The following ZBTB40 variants were observed in gnomAD, a reference collection of about 807,000 sequenced individuals.
ZBTB40 encodes the protein zinc finger and BTB domain containing 40.
ZBTB40 carries 60 observed loss-of-function variants against 117.5 expected under a neutral mutation model. That is an observed-to-expected ratio of 0.51 (90% CI 0.41 to 0.63). The LOEUF (loss-of-function observed/expected upper bound fraction) is 0.63, where lower values mean the gene tolerates loss of function less well. Ranked by LOEUF, ZBTB40 falls within the 30% of genes least tolerant of loss-of-function variation. ZBTB40 has a pLI of 0.00. For synonymous variants in ZBTB40, 525 were observed against 577.1 expected (o/e 0.91, Z 1.29); for missense variants, 1,287 against 1,498.5 (o/e 0.86, Z 2.33).
rs113978058 is a variant in ZBTB40 at position 22,472,185 on chromosome 1, CT to C, written c.-69-17682del. ...GTCAAGTAAGCATGTAACTGAGCTG[CT>C]TTTTTTTTTTTTCAGAGTCTTGCTG... On this transcript the variant is annotated intron_variant, in intron 1 of 17. Coordinates refer to ENST00000375647, the MANE Select transcript of ZBTB40 (RefSeq NM_014870.4). Among the ~76,000 whole-genome samples, 395 of 143,828 alleles carry C rather than the reference CT, an allele frequency of 2.7e-3. 1 individual carries two copies. In the Middle Eastern group the frequency reaches 0.033, roughly 12 times the overall value. 94.4% of individuals were successfully genotyped at this position (143,828 alleles called of 152,430 possible). A position where few individuals can be genotyped will look rare whatever the true frequency, so the allele number is the denominator to read the frequency against.
intron 1 of ZBTB40, among the ~76,000 whole-genome samples, chr1:22,482,361 C>T (rs1053753070): frequency 1.3e-5 from 2 of 152,034 alleles, no homozygotes; most frequent in Non-Finnish European, 2.9e-5. Context: ...CAAAATTAAG[C>T]GGAAATTACA....
Position 22,513,139 on chromosome 1 carries a change from G to C in ZBTB40, c.2668+9G>C. On this transcript the variant is annotated intron_variant, in intron 12 of 17. Coordinates refer to ENST00000375647, the MANE Select transcript of ZBTB40 (RefSeq NM_014870.4). The surrounding 1 kb of genome is among the most constrained non-coding windows in gnomAD (Gnocchi z 4.9). Reference sequence around the variant, plus strand: ...GAAGAAGCACTCAGAAGGTAAGGCGGGGCACAGTTCATTTCTCCTGCAGAC... The same window carrying C: ...GAAGAAGCACTCAGAAGGTAAGGCGCGGCACAGTTCATTTCTCCTGCAGAC... 6.2e-7 allele frequency: 1 copy of C among 1,612,758 alleles called. No individual in the cohort carries two copies. The highest frequency in any genetic ancestry group is 1.1e-5 in the South Asian group (1 of 90,824).
chr1:22,522,774 T>TA (rs71020430), intron 16 of ZBTB40, among the ~76,000 whole-genome samples: 43,513 of 151,188 alleles, frequency 0.29, 7,665 homozygotes, highest in East Asian at 0.46. Flanking sequence ...TTTTTATTTT[T>TA]TTTTTTTTTG....
Position 22,511,865 on chromosome 1 carries a change from C to T in ZBTB40, c.2192C>T (p.Pro731Leu), listed in dbSNP as rs1205897253. Residue 731 changes from proline to leucine, a missense_variant, in exon 11 of 18, where the codon CCT (proline) becomes CTT (leucine). By Grantham distance (98) the Pro-to-Leu change is moderately conservative (BLOSUM62 -3). Coordinates refer to ENST00000375647, the MANE Select transcript of ZBTB40 (RefSeq NM_014870.4). Reference sequence around the variant, plus strand: ...AAAGAGGCTTCAGCCTCCCCAGACCCTGCCAAGAAGAGCTTCATCTGTAAG... The same window carrying T: ...AAAGAGGCTTCAGCCTCCCCAGACCTTGCCAAGAAGAGCTTCATCTGTAAG... The part of the protein sequence containing the change: ...QEKEASASPD[P>L]AKKSFICKAC... 1.2e-6 allele frequency: 2 copies of T among 1,614,206 alleles called. No individual in the cohort carries two copies.
intron 11 of ZBTB40, 131 bp from the exon 12 acceptor site, chr1:22,512,792 TG>T: frequency 1.9e-6 from 2 of 1,039,616 alleles, no homozygotes; most frequent in South Asian, 1.3e-5. Flanking sequence ...CAGCGTGGCC[TG>T]GCACCCTGGG....
intron 13 of ZBTB40, 112 bp downstream of exon 13, chr1:22,517,576 C>T: frequency 1.5e-6 from 2 of 1,309,292 alleles, no homozygotes; most frequent in Non-Finnish European, 1.0e-6. Flanking sequence ...TCAGTGCATT[C>T]CCCTTACCTG....
Position 22,502,403 on chromosome 1 carries a change from A to G in ZBTB40, c.1129A>G (p.Thr377Ala), listed in dbSNP as rs2124444737. ...QLRPIMESLE[T>A]AKEEFLTGTE... ...GAGACCTATTATGGAGTCCCTGGAA[A>G]CAGCCAAGGAGGAATTCCTGACTGG... Residue 377 changes from threonine to alanine, a missense_variant, in exon 5 of 18, where the codon ACA (threonine) becomes GCA (alanine). Around this residue, in one of 2 missense-constraint regions of ZBTB40, gnomAD observed 870 missense variants for 934.4 expected, o/e 0.93. Transcript: ENST00000375647. 1 of 1,614,126 alleles carries G rather than the reference A, an allele frequency of 6.2e-7. No individual in the cohort carries two copies. The highest frequency in any genetic ancestry group is 1.1e-5 in the South Asian group (1 of 91,088).
intron 1 of ZBTB40, among the ~76,000 whole-genome samples, chr1:22,486,596 G>A (rs1242785911): frequency 6.6e-6 from 1 of 152,182 alleles, no homozygotes; most frequent in Non-Finnish European, 1.5e-5. Flanking sequence ...CCCTATGACT[G>A]AGTCCCCCCC....
At chr1:22,435,085 C>T (rs537765911) in intron 1 of ZBTB40, among the ~76,000 whole-genome samples, 2 of 150,952 alleles carry the variant, frequency 1.3e-5, no homozygotes, top group East Asian at 3.9e-4. Context: ...ACTGCAACCT[C>T]TACCTCCCAG....
At chr1:22,491,099 G>A (rs1431394775) in intron 2 of ZBTB40, among the ~76,000 whole-genome samples, 2 of 152,164 alleles carry the variant, frequency 1.3e-5, no homozygotes, top group East Asian at 3.9e-4. Flanking sequence ...ATTTCACCAT[G>A]TTGGCCAGGC....
intron 16 of ZBTB40, among the ~76,000 whole-genome samples, chr1:22,523,058 C>T (rs1463239573): frequency 6.6e-6 from 1 of 151,442 alleles, no homozygotes; most frequent in African/African-American, 2.4e-5. Context: ...CGCCATTCTC[C>T]TGCCTCAGCC....
intron 13 of ZBTB40, 128 bp from the exon 14 acceptor site, chr1:22,519,933 G>C: frequency 1.2e-6 from 1 of 865,852 alleles, no homozygotes; most frequent in Non-Finnish European, 2.0e-6. Flanking sequence ...CTATGACCCT[G>C]CCTGTTACGT....
Position 22,490,495 on chromosome 1 carries a change from T to A in ZBTB40, c.547T>A (p.Ser183Thr), listed in dbSNP as rs962712811. ...AETEEAAHSV[S>T]QEMSVNSPTA... ...GACTGAGGAAGCAGCCCATTCAGTT[T>A]CACAAGAGATGAGTGTGAATTCTCC... is the stretch of plus-strand genomic sequence containing the variant. The change falls in exon 2 of 18, where the codon TCA becomes ACA. Residue 183 changes from serine to threonine, a missense_variant. Ser to Thr is a moderately conservative substitution (Grantham distance 58). Coordinates refer to ENST00000375647, the MANE Select transcript of ZBTB40 (RefSeq NM_014870.4). The A allele has an allele frequency of 6.9e-6, 11 of 1,600,794 alleles. No homozygotes were observed. The African/African-American group carries it at 1.2e-4, about 18-fold the overall frequency.
rs780732152 is a variant in ZBTB40, at chr1:22,508,077, C to T, written c.1437C>T (p.Asp479=). The change falls in exon 7 of 18, where the codon GAC becomes GAT. Residue 479 remains aspartate, a synonymous_variant. Transcript: ENST00000375647. The part of the protein sequence containing the change: ...YHENLSEIFT[D]NQILLKMISH... ...AAAACCTCTCTGAGATTTTCACAGA[C>T]AACCAGATTTTATTAAAGATGATCT... The T allele has an allele frequency of 8.7e-6, 14 of 1,613,944 alleles. No homozygotes were observed. Among genetic ancestry groups the T allele is most frequent in the Non-Finnish European group, 1.2e-5 (14 of 1,180,028 alleles).
At chr1:22,460,886 C>G (rs2124388730) in intron 1 of ZBTB40, among the ~76,000 whole-genome samples, 1 of 152,214 alleles carries the variant, frequency 6.6e-6, no homozygotes, top group South Asian at 2.1e-4. Context: ...CAGATACTTC[C>G]TTCTCTACTC....
intron 3 of ZBTB40, among the ~76,000 whole-genome samples, chr1:22,496,748 G>T (rs11810669): frequency 0.023 from 3,559 of 152,252 alleles, 146 homozygotes; most frequent in African/African-American, 0.079. Flanking sequence ...TCCACTTTCA[G>T]AAAGGCTTGC....
At position 22,505,434 on chromosome 1, in the gene ZBTB40, C is replaced by T. The variant is rs79816532; in HGVS notation, c.1168-615C>T. On this transcript the variant is annotated intron_variant, in intron 5 of 17. Coordinates refer to ENST00000375647, the MANE Select transcript of ZBTB40 (RefSeq NM_014870.4). ...AAGGAGTGGAATTGCTGAATTATGA[C>T]TGGAGCTGATGTATGTGGCTGTTGA... Among the ~76,000 whole-genome samples, 140 of 152,252 alleles carry T rather than the reference C, an allele frequency of 9.2e-4. 3 individuals are homozygous for T. The East Asian group carries it at 0.024, about 26-fold the overall frequency.
At chr1:22,521,372 A>G in intron 14 of ZBTB40, 124 bp from the exon 15 acceptor site, 3 of 1,205,504 alleles carry the variant, frequency 2.5e-6, no homozygotes, top group Non-Finnish European at 3.6e-6. Flanking sequence ...GTGATAGGTA[A>G]GAGTGTGTGA....
intron 6 of ZBTB40, among the ~76,000 whole-genome samples, chr1:22,506,611 CCATTTCCA>C (rs1639082209): frequency 6.6e-6 from 1 of 152,136 alleles, no homozygotes; most frequent in Non-Finnish European, 1.5e-5. Flanking sequence ...CTCCATTGCC[CCATTTCCA>C]CTAGAGTGCT....
Sources: gnomAD v4.1 joint callset for allele counts (sites outside exome capture counted in the v4.1 genomes callset) on GRCh38, gnomAD v4.1.1 for gene constraint, gnomAD v4.1.1 regional missense constraint, Gnocchi (gnomAD v3.1) non-coding constraint, MANE v1.5 for transcripts, NCBI Gene and HGNC (gene_info 2026-07-23, HGNC 2026-07-21) for gene names.